Variants in IL11RA observed in about 807,000 individuals in gnomAD.
IL11RA encodes the protein interleukin-11 receptor subunit alpha.
IL11RA carries 51 observed loss-of-function variants against 57.0 expected under a neutral mutation model. The ratio of observed to expected loss-of-function variants is 0.89; its 90% confidence interval spans 0.71 to 1.13. The LOEUF is 1.13. Ranked by LOEUF, IL11RA falls within the 50% of genes most tolerant of loss-of-function variation. The pLI is 0.00. For synonymous variants in IL11RA, 199 were observed against 217.5 expected (o/e 0.91, Z 0.75); for missense variants, 498 against 539.4 (o/e 0.92, Z 0.76).
intron 5 of IL11RA, 76 bp from the exon 6 acceptor site, chr9:34,657,227 G>A: frequency 6.2e-7 from 1 of 1,607,062 alleles, no homozygotes; most frequent in South Asian, 1.1e-5. Context: ...CAGGGAGGTA[G>A]GTTCTGAGGA....
intron 1 of IL11RA, among the ~76,000 whole-genome samples, chr9:34,652,888 T>C (rs969751159): frequency 1.3e-4 from 20 of 152,208 alleles, no homozygotes; most frequent in African/African-American, 4.6e-4. Flanking sequence ...TCTGTTTCCC[T>C]GCTTGGCTCA....
At chr9:34,660,243 T>C in intron 9 of IL11RA, 31 bp from the exon 10 acceptor site, 1 of 1,614,132 alleles carries the variant, frequency 6.2e-7, no homozygotes, top group Non-Finnish European at 8.5e-7. Flanking sequence ...CACCAGCGTA[T>C]GGACACTTAT....
chr9:34,659,935 C>A (rs1192633336), intron 9 of IL11RA, 35 bp downstream of exon 9: 2 of 1,610,248 alleles, frequency 1.2e-6, no homozygotes, highest in Non-Finnish European at 1.7e-6. Context: ...GGCAGAGGCC[C>A]CATCCCAAAG....
chr9:34,661,747 G>C lies in IL11RA; in HGVS notation c.*249G>C. The C allele has an allele frequency of 1.4e-6, 1 of 704,604 alleles. No homozygotes were observed. 43.6% of individuals were successfully genotyped at this position (704,604 alleles called of 1,614,324 possible). ...TACATCTGTGTCCATGTGTGACCAT[G>C]TGTCTGTGAGGCAGGGAACATGTAT... On this transcript the variant is annotated 3_prime_UTR_variant, in exon 13 of 13. Coordinates refer to ENST00000441545, the MANE Select transcript of IL11RA (RefSeq NM_001142784.3).
At chr9:34,652,599 C>G (rs982096322) in intron 1 of IL11RA, among the ~76,000 whole-genome samples, 1 of 152,016 alleles carries the variant, frequency 6.6e-6, no homozygotes, top group Non-Finnish European at 1.5e-5. Flanking sequence ...CCATGTCTGC[C>G]AGCGTGAGAG....
At chr9:34,657,645 C>G in intron 7 of IL11RA, 58 bp downstream of exon 7, 1 of 1,516,454 alleles carries the variant, frequency 6.6e-7, no homozygotes, top group Non-Finnish European at 9.1e-7. Context: ...CAAATGGACT[C>G]AGATCTCTCC....
chr9:34,653,117 C>A lies in IL11RA; in HGVS notation c.-1+884C>A, dbSNP rs1564103626. 6.6e-6 allele frequency among the ~76,000 whole-genome samples: 1 copy of A among 152,148 alleles called. No homozygotes were observed. Among genetic ancestry groups the A allele is most frequent in the African/African-American group, 2.4e-5 (1 of 41,420 alleles). On this transcript the variant is annotated intron_variant, in intron 1 of 12. Transcript: ENST00000441545. The surrounding 1 kb of genome is among the most constrained non-coding windows in gnomAD (Gnocchi z 4.5). ...CCTGTAACAGTGATGAGATGCGGGT[C>A]TGCCCCGGCTAAGAGCTCCCTGAGA... is the stretch of plus-strand genomic sequence containing the variant.
intron 12 of IL11RA, among the ~76,000 whole-genome samples, chr9:34,661,257 C>T (rs1013377092): frequency 1.3e-5 from 2 of 151,782 alleles, no homozygotes; most frequent in Non-Finnish European, 2.9e-5. Context: ...TTCAAGGTGT[C>T]TTGGATCAGT....
intron 1 of IL11RA, chr9:34,654,071 A>G (rs1256636561): frequency 6.6e-6 from 1 of 152,376 alleles, no homozygotes; most frequent in African/African-American, 2.4e-5. Flanking sequence ...ACTCAGACAG[A>G]CACACAGACA....
chr9:34,657,645 CAG>C, intron 7 of IL11RA, 58 bp downstream of exon 7: 15 of 1,516,454 alleles, frequency 9.9e-6, no homozygotes, highest in Non-Finnish European at 1.4e-5. Flanking sequence ...CAAATGGACT[CAG>C]ATCTCTCCAC....
Position 34,661,796 on chromosome 9 carries a change from G to T in IL11RA, c.*298G>T. Reference sequence around the variant, plus strand: ...ATTCTCTGCATGCATGTATGTAGGTGCCTGGGGAGTGTGTGTGGGTCCTTG... The same window carrying T: ...ATTCTCTGCATGCATGTATGTAGGTTCCTGGGGAGTGTGTGTGGGTCCTTG... On this transcript the variant is annotated 3_prime_UTR_variant, in exon 13 of 13. Coordinates refer to ENST00000441545, the MANE Select transcript of IL11RA (RefSeq NM_001142784.3). 1.2e-6 allele frequency: 1 copy of T among 869,344 alleles called. No homozygotes were observed. The highest frequency in any genetic ancestry group is 1.8e-6 in the Non-Finnish European group (1 of 543,522). 53.9% of individuals were successfully genotyped at this position (869,344 alleles called of 1,614,324 possible).
At chr9:34,654,566 T>C (rs1821305666) in intron 1 of IL11RA, among the ~76,000 whole-genome samples, 1 of 151,890 alleles carries the variant, frequency 6.6e-6, no homozygotes, top group Non-Finnish European at 1.5e-5. Context: ...CCTAGCCCCA[T>C]CCAGCTTCAC....
Position 34,656,837 on chromosome 9 carries a change from C to T in IL11RA, c.260C>T (p.Thr87Ile). The change falls in exon 4 of 13, where the codon ACT becomes ATT. Residue 87 changes from threonine (T) to isoleucine (I), a missense_variant. Physicochemically the swap from Thr to Ile is moderately conservative, Grantham distance 89. Transcript: ENST00000441545. The stretch of plus-strand genomic sequence containing the variant: ...CTGGTCCTGGCCCAGGCAGACAGCA[C>T]TGATGAGGGCACCTACATCTGCCAG... ...HELVLAQADS[T>I]DEGTYICQTL... is the part of the protein sequence containing the mutation. 2 of 1,614,196 alleles carry T rather than the reference C, an allele frequency of 1.2e-6. No homozygotes were observed. The highest frequency in any genetic ancestry group is 1.3e-5 in the African/African-American group (1 of 75,052).
chr9:34,656,608 G>T, intron 3 of IL11RA, 131 bp from the exon 4 acceptor site: 1 of 955,232 alleles, frequency 1.0e-6, no homozygotes, highest in Admixed American at 1.9e-5. Flanking sequence ...CTCACAAGGG[G>T]CTTTGAAAGC....
At position 34,660,237 on chromosome 9, in the gene IL11RA, A is replaced by G. The variant is rs369352985; in HGVS notation, c.953-37A>G. On this transcript the variant is annotated intron_variant, in intron 9 of 12. Coordinates refer to ENST00000441545, the MANE Select transcript of IL11RA (RefSeq NM_001142784.3). ...ACAGGACGTGACCCCCGTCCCCACCAGCGTATGGACACTTATTGGGTCTTG... is the reference window on the plus strand; with the variant it reads ...ACAGGACGTGACCCCCGTCCCCACCGGCGTATGGACACTTATTGGGTCTTG... 1.1e-5 allele frequency: 17 copies of G among 1,613,902 alleles called. No individual in the cohort carries two copies. In the African/African-American group the frequency reaches 1.5e-4, roughly 14 times the overall value.
Position 34,658,775 on chromosome 9 carries a change from A to G in IL11RA, c.810+92A>G. 2 of 1,415,952 alleles carry G rather than the reference A, an allele frequency of 1.4e-6. No individual in the cohort carries two copies. Among genetic ancestry groups the G allele is most frequent in the Non-Finnish European group, 2.0e-6 (2 of 1,016,906 alleles). 87.7% of individuals were successfully genotyped at this position (1,415,952 alleles called of 1,614,324 possible). ...TTCTGTATAGCTTTCCAGTGCTGGC[A>G]GGTCACTGAAGACCCAACACTTCCC... is the stretch of plus-strand genomic sequence containing the variant. On this transcript the variant is annotated intron_variant, in intron 8 of 12. Coordinates refer to ENST00000441545, the MANE Select transcript of IL11RA (RefSeq NM_001142784.3). This position sits in a 1 kb window ranked among gnomAD's most constrained non-coding sequence, Gnocchi z 4.0.
intron 8 of IL11RA, among the ~76,000 whole-genome samples, chr9:34,659,282 A>G (rs1453360985): frequency 6.6e-6 from 1 of 152,098 alleles, no homozygotes; most frequent in Admixed American, 6.5e-5. Flanking sequence ...TCCTACAAAC[A>G]CTCATATACC....
chr9:34,656,684 C>T, intron 3 of IL11RA, 55 bp from the exon 4 acceptor site: 1 of 1,597,212 alleles, frequency 6.3e-7, no homozygotes, highest in Non-Finnish European at 8.6e-7. Flanking sequence ...GTGGCATGGT[C>T]TGACTTATGC....
chr9:34,660,421 G>A (rs748910659), intron 10 of IL11RA, 28 bp downstream of exon 10: 8 of 1,613,860 alleles, frequency 5.0e-6, no homozygotes, highest in African/African-American at 1.3e-5. Context: ...GGCAAGACTT[G>A]TAAAGGACTG....
Sources: gnomAD v4.1 joint callset for allele counts (sites outside exome capture counted in the v4.1 genomes callset) on GRCh38, gnomAD v4.1.1 for gene constraint, Gnocchi (gnomAD v3.1) non-coding constraint, MANE v1.5 for transcripts, NCBI Gene and HGNC (gene_info 2026-07-23, HGNC 2026-07-21) for gene names.